CD3E: variants seen among roughly 807,000 people sequenced by gnomAD.
CD3E encodes CD3 epsilon subunit of T-cell receptor complex, also known as T-cell surface glycoprotein CD3 epsilon chain.
Under a neutral mutation model 34.7 loss-of-function variants are expected in CD3E, and 16 were observed. The observed-to-expected ratio is 0.46, with a 90% CI of 0.31 to 0.70. The LOEUF is 0.70. CD3E is among the 30% of genes least tolerant of loss of function. The probability of loss-of-function intolerance (pLI) is 0.05; values close to 1 mark genes in which losing one functional copy is unlikely to be tolerated. For missense variants in CD3E, 223 were observed against 253.9 expected (o/e 0.88, Z 0.83); for synonymous variants, 70 against 90.8 (o/e 0.77, Z 1.30).
At position 118,312,802 on chromosome 11, in the gene CD3E, T is replaced by G. The variant is rs1419311230; in HGVS notation, c.288T>G (p.Tyr96Ter). The G allele has an allele frequency of 6.2e-7, 1 of 1,614,116 alleles. No homozygotes were observed. The highest frequency in any genetic ancestry group is 1.3e-5 in the African/African-American group (1 of 74,930). ...EFSELEQSGY[Y>*]VCYPRGSKPE... ...CAGAATTGGAGCAAAGTGGTTATTA[T>G]GTCTGCTACCCCAGAGGAAGCAAAC... is the stretch of plus-strand genomic sequence containing the variant. The change falls in exon 6 of 9, where the codon TAT becomes TAG. Residue 96 changes from tyrosine to a stop codon, truncating the protein, a stop_gained. Coordinates refer to ENST00000361763, the MANE Select transcript of CD3E (RefSeq NM_000733.4). LOFTEE classifies it high-confidence loss of function.
At chr11:118,315,399 A>G in intron 8 of CD3E, 87 bp from the exon 9 acceptor site, 1 of 1,151,486 alleles carries the variant, frequency 8.7e-7, no homozygotes, top group South Asian at 1.3e-5. Flanking sequence ...AGTTCTTCCC[A>G]CGCACTAAAG....
At chr11:118,307,436 C>A in intron 3 of CD3E, 128 bp downstream of exon 3, 1 of 783,128 alleles carries the variant, frequency 1.3e-6, no homozygotes, top group Non-Finnish European at 2.1e-6. Context: ...TTTCTGCCAT[C>A]TACCCCTTTG....
At position 118,308,380 on chromosome 11, in the gene CD3E, T is replaced by C. The variant is rs1948118878; in HGVS notation, c.71-47T>C. On this transcript the variant is annotated intron_variant, in intron 3 of 8. Coordinates refer to ENST00000361763, the MANE Select transcript of CD3E (RefSeq NM_000733.4). The stretch of plus-strand genomic sequence containing the variant: ...CCACGGGAGCAGGGTCTGATCTTCA[T>C]TGCCGATAGAAACATTACTAATGGC... 10 of 1,512,890 alleles carry C rather than the reference T, an allele frequency of 6.6e-6. No homozygotes were observed. In the East Asian group the frequency reaches 9.0e-5, roughly 14 times the overall value. The allele number at this position is 1,512,890 out of a possible 1,614,324, so 93.7% of individuals were successfully genotyped here. A position where few individuals can be genotyped will look rare whatever the true frequency, so the allele number is the denominator to read the frequency against.
intron 8 of CD3E, 37 bp downstream of exon 8, chr11:118,314,531 G>GA: frequency 1.9e-6 from 3 of 1,595,728 alleles, no homozygotes; most frequent in Non-Finnish European, 2.6e-6. Context: ...ACGCTGGAGG[G>GA]GATGTCCCTC....
In CD3E at chr11:118,315,642, TC is replaced by T. The variant is rs1948162518; in HGVS notation, c.*101del. On this transcript the variant is annotated 3_prime_UTR_variant, in exon 9 of 9. Transcript: ENST00000361763. ...TAGTCTTGGACCCCACGAGAGAGAA[TC>T]GTTCCTCAGCCTCATGGTGAACTCG... 2 of 1,066,278 alleles carry T rather than the reference TC, an allele frequency of 1.9e-6. No individual in the cohort carries two copies. The highest frequency in any genetic ancestry group is 2.8e-6 in the Non-Finnish European group (2 of 709,040). The allele number at this position is 1,066,278 out of a possible 1,614,324, so 66.1% of individuals were successfully genotyped here.
Position 118,312,703 on chromosome 11 carries a change from TA to T in CD3E, c.194del (p.Asn65ThrfsTer2). ...GSEILWQHNDKNIGGDEDDKN... is the reference protein window; with the variant it reads ...GSEILWQHNDXNIGGDEDDKN... ...CTGAAATACTATGGCAACACAATGA[TA>T]AAAACATAGGCGGTGATGAGGATGA... On this transcript the variant is annotated frameshift_variant, in exon 6 of 9. Transcript: ENST00000361763. LOFTEE classifies it high-confidence loss of function. 1.2e-6 allele frequency: 2 copies of T among 1,614,142 alleles called. No homozygotes were observed. The highest frequency in any genetic ancestry group is 1.7e-6 in the Non-Finnish European group (2 of 1,180,016).
intron 2 of CD3E, among the ~76,000 whole-genome samples, chr11:118,306,042 C>T (rs978353409): frequency 6.6e-6 from 1 of 152,118 alleles, no homozygotes; most frequent in African/African-American, 2.4e-5. Flanking sequence ...ATGGAGATTC[C>T]GCATGTCTAG....
intron 7 of CD3E, 30 bp downstream of exon 7, chr11:118,313,904 T>C (rs1948150768): frequency 3.1e-6 from 5 of 1,610,986 alleles, no homozygotes; most frequent in African/African-American, 1.3e-5. Context: ...TCAGAGGAGA[T>C]TCCTGCCAAG....
Position 118,312,599 on chromosome 11 carries a change from T to C in CD3E, c.104-19T>C. 2 of 1,614,184 alleles carry C rather than the reference T, an allele frequency of 1.2e-6. No homozygotes were observed. On this transcript the variant is annotated intron_variant, in intron 5 of 8. Transcript: ENST00000361763. Reference sequence around the variant, plus strand: ...AATTGTCCTGGTTTCTTCTGCCAATTTCCCTTCTTTCTCCCCAGCATATAA... The same window carrying C: ...AATTGTCCTGGTTTCTTCTGCCAATCTCCCTTCTTTCTCCCCAGCATATAA...
intron 3 of CD3E, 54 bp downstream of exon 3, chr11:118,307,362 T>G: frequency 6.7e-7 from 1 of 1,496,822 alleles, no homozygotes; most frequent in Non-Finnish European, 9.2e-7. Flanking sequence ...TCATTCTTTG[T>G]AGTTATGAAT....
Position 118,305,006 on chromosome 11 carries a change from G to A in CD3E, c.49+5G>A. On this transcript the variant is annotated splice_donor_5th_base_variant and intron_variant, in intron 2 of 8. Transcript: ENST00000361763. ...TGGGCCTCTGCCTCTTATCAGGTGA[G>A]TAGGATGGAGTGGAAAGGGTGGTGT... 6.2e-7 allele frequency: 1 copy of A among 1,613,604 alleles called. No homozygotes were observed. Among genetic ancestry groups the A allele is most frequent in the East Asian group, 2.2e-5 (1 of 44,886 alleles).
intron 2 of CD3E, 31 bp downstream of exon 2, chr11:118,305,032 G>C (rs200149223): frequency 1.0e-4 from 163 of 1,605,638 alleles, no homozygotes; most frequent in Non-Finnish European, 1.3e-4. Context: ...AGGGTGGTGT[G>C]TCTCCAGACC....
intron 4 of CD3E, 30 bp from the exon 5 acceptor site, chr11:118,312,123 C>T (rs202089395): frequency 1.6e-4 from 253 of 1,602,156 alleles, no homozygotes; most frequent in Non-Finnish European, 2.1e-4. Context: ...ATGATATTTT[C>T]TTACTGCTGT....
chr11:118,308,471 A>G, intron 4 of CD3E, 30 bp downstream of exon 4: 3 of 1,481,574 alleles, frequency 2.0e-6, no homozygotes, highest in Non-Finnish European at 2.8e-6. Context: ...ATCTAGCAAA[A>G]GTTTTCAAAT....
At chr11:118,310,892 G>C (rs1430328792) in intron 4 of CD3E, among the ~76,000 whole-genome samples, 1 of 152,148 alleles carries the variant, frequency 6.6e-6, no homozygotes, top group East Asian at 1.9e-4. Flanking sequence ...AGAATGTTTT[G>C]TTTACATTCT....
intron 6 of CD3E, chr11:118,313,181 T>C (rs561579513): frequency 2.4e-6 from 1 of 419,772 alleles, no homozygotes; most frequent in East Asian, 5.0e-5. Flanking sequence ...GTTTATCTAA[T>C]GCTTCCTCCA....
intron 3 of CD3E, 102 bp from the exon 4 acceptor site, chr11:118,308,325 T>C: frequency 1.2e-6 from 1 of 815,262 alleles, no homozygotes; most frequent in African/African-American, 1.7e-5. Flanking sequence ...AGATCCATTG[T>C]TTCCTAAGAG....
chr11:118,313,669 C>T (rs1207382757), intron 6 of CD3E, 38 bp from the exon 7 acceptor site: 5 of 1,604,832 alleles, frequency 3.1e-6, no homozygotes, highest in Non-Finnish European at 3.4e-6. Context: ...GTTTTCCTTG[C>T]TTAGTGATTT....
intron 8 of CD3E, 28 bp downstream of exon 8, chr11:118,314,522 C>A (rs188486188): frequency 1.2e-6 from 2 of 1,607,686 alleles, no homozygotes; most frequent in African/African-American, 2.7e-5. Flanking sequence ...TGGGCCAGGA[C>A]GCTGGAGGGG....
Sources: gnomAD v4.1 joint callset for allele counts (sites outside exome capture counted in the v4.1 genomes callset) on GRCh38, gnomAD v4.1.1 for gene constraint, MANE v1.5 for transcripts, NCBI Gene and HGNC (gene_info 2026-07-23, HGNC 2026-07-21) for gene names.